CDH13: variants seen among roughly 807,000 people sequenced by gnomAD.
CDH13 encodes cadherin 13.
CDH13 carries 24 observed loss-of-function variants against 63.8 expected under a neutral mutation model. The observed-to-expected ratio is 0.38, with a 90% CI of 0.27 to 0.53. The LOEUF (loss-of-function observed/expected upper bound fraction) is 0.53. Ranked by LOEUF, CDH13 falls within the 20% of genes least tolerant of loss-of-function variation. The probability of loss-of-function intolerance (pLI) is 0.85; values close to 1 mark genes in which losing one functional copy is unlikely to be tolerated. For synonymous variants in CDH13, 503 were observed against 355.3 expected (o/e 1.42, Z -4.67); for missense variants, 1,049 against 903.1 (o/e 1.16, Z -2.07).
rs537571533 is a variant in CDH13 at position 83,604,627 on chromosome 16, A to G, written c.1101+2033A>G. 2.6e-5 allele frequency among the ~76,000 whole-genome samples: 4 copies of G among 152,218 alleles called. No homozygotes were observed. The East Asian group carries it at 7.7e-4, about 29-fold the overall frequency. ...GGGGCTTTTTTTTCTAGGCTACCTT[A>G]TATGGCTTATGGAGCTGGTGTTTCA... On this transcript the variant is annotated intron_variant, in intron 8 of 13. Transcript: ENST00000567109.
intron 1 of CDH13, among the ~76,000 whole-genome samples, chr16:82,710,968 A>G (rs540615020): frequency 7.9e-5 from 12 of 151,338 alleles, no homozygotes; most frequent in African/African-American, 2.9e-4. Context: ...AAAAAAAGCT[A>G]GTGCATAAAC....
intron 4 of CDH13, among the ~76,000 whole-genome samples, chr16:83,179,625 C>G (rs2038267930): frequency 6.6e-6 from 1 of 151,120 alleles, no homozygotes; most frequent in African/African-American, 2.4e-5. Context: ...GCACTCCAGC[C>G]TGGGCTACAG....
At chr16:82,634,349 A>G (rs1348436645) in intron 1 of CDH13, among the ~76,000 whole-genome samples, 3 of 152,208 alleles carry the variant, frequency 2.0e-5, no homozygotes, top group African/African-American at 7.2e-5. Context: ...GGCTGCAGAC[A>G]CCTGAAGCTT....
At chr16:82,930,912 C>G (rs1334277198) in intron 2 of CDH13, among the ~76,000 whole-genome samples, 1 of 152,214 alleles carries the variant, frequency 6.6e-6, no homozygotes, top group Non-Finnish European at 1.5e-5. Context: ...TTAAAACTTG[C>G]TTTTACCTGC....
rs1316836677 is a variant in CDH13 at position 83,797,404 on chromosome 16, G to A, written c.*2374G>A. Reference sequence around the variant, plus strand: ...GAAAATTCAGAAAAATAGGAGTAAAGTGCACACTTCATTAATAAATAGAAT... The same window carrying A: ...GAAAATTCAGAAAAATAGGAGTAAAATGCACACTTCATTAATAAATAGAAT... On this transcript the variant is annotated 3_prime_UTR_variant, in exon 14 of 14. Transcript: ENST00000567109. 6.6e-6 allele frequency: 1 copy of A among 152,176 alleles called. No individual in the cohort carries two copies. Among genetic ancestry groups the A allele is most frequent in the East Asian group, 1.9e-4 (1 of 5,192 alleles). The allele number at this position is 152,176 out of a possible 1,614,324, so 9.4% of individuals were successfully genotyped here.
chr16:82,898,163 C>A (rs117993804), intron 2 of CDH13, among the ~76,000 whole-genome samples: 2 of 152,140 alleles, frequency 1.3e-5, no homozygotes, highest in Non-Finnish European at 2.9e-5. Context: ...TAATGTTAAA[C>A]GAAACATATT....
intron 1 of CDH13, among the ~76,000 whole-genome samples, chr16:82,857,551 A>G (rs1248489504): frequency 6.6e-6 from 1 of 152,224 alleles, no homozygotes; most frequent in African/African-American, 2.4e-5. Flanking sequence ...ATTATGTTCC[A>G]AATCACGTAA....
At chr16:83,214,035 T>A (rs2039419340) in intron 4 of CDH13, among the ~76,000 whole-genome samples, 1 of 151,570 alleles carries the variant, frequency 6.6e-6, no homozygotes, top group Admixed American at 6.6e-5. Context: ...AGGACATGGG[T>A]GGGGACAAAT....
At chr16:83,325,156 T>G (rs2090331978) in intron 5 of CDH13, among the ~76,000 whole-genome samples, 2 of 152,344 alleles carry the variant, frequency 1.3e-5, no homozygotes, top group Admixed American at 6.5e-5. Flanking sequence ...GATTCTTCTT[T>G]AATCCCACTA....
intron 3 of CDH13, among the ~76,000 whole-genome samples, chr16:83,038,429 G>T (rs1917054224): frequency 6.6e-6 from 1 of 152,188 alleles, no homozygotes; most frequent in Non-Finnish European, 1.5e-5. Context: ...AGGCAGAAGA[G>T]CAGTTTAATT....
chr16:82,775,534 G>A (rs2035454432), intron 1 of CDH13, among the ~76,000 whole-genome samples: 1 of 152,122 alleles, frequency 6.6e-6, no homozygotes, highest in Admixed American at 6.6e-5. Flanking sequence ...AAACCTGTTG[G>A]CTCATTTATG....
chr16:82,640,740 T>A (rs535526455), intron 1 of CDH13, among the ~76,000 whole-genome samples: 1 of 152,166 alleles, frequency 6.6e-6, no homozygotes, highest in Non-Finnish European at 1.5e-5. Context: ...GGTACTTCTT[T>A]AGGGTCACAT....
rs553309630 is a variant in CDH13 at position 82,927,800 on chromosome 16, C to T, written c.157+69327C>T. On this transcript the variant is annotated intron_variant, in intron 2 of 13. Transcript: ENST00000567109. ...CCAGGCACCCTGCCTAACACACAGC[C>T]GATCATCAACAATGTACTTATTGAG... is the stretch of plus-strand genomic sequence containing the variant. 5.3e-5 allele frequency among the ~76,000 whole-genome samples: 8 copies of T among 152,274 alleles called. No homozygotes were observed. In the East Asian group the frequency reaches 1.4e-3, roughly 26 times the overall value.
intron 5 of CDH13, among the ~76,000 whole-genome samples, chr16:83,219,138 G>A (rs550470735): frequency 6.6e-6 from 1 of 152,190 alleles, no homozygotes; most frequent in South Asian, 2.1e-4. Flanking sequence ...ACTGAGCTGT[G>A]GGACCTTGAG....
At chr16:83,062,546 G>A (rs1000750358) in intron 3 of CDH13, among the ~76,000 whole-genome samples, 2 of 152,146 alleles carry the variant, frequency 1.3e-5, no homozygotes. Flanking sequence ...GACAGAGGAT[G>A]GAAGTTCAGT....
chr16:83,793,083 C>T (rs988922133), intron 13 of CDH13, among the ~76,000 whole-genome samples: 2 of 152,152 alleles, frequency 1.3e-5, no homozygotes, highest in Non-Finnish European at 2.9e-5. Flanking sequence ...CACATGTATA[C>T]TGATTAATTT....
intron 1 of CDH13, among the ~76,000 whole-genome samples, chr16:82,661,238 T>A (rs1448464767): frequency 6.6e-6 from 1 of 152,220 alleles, no homozygotes; most frequent in East Asian, 1.9e-4. Flanking sequence ...AATGAGATAG[T>A]CCTGAGGACA....
At chr16:82,867,460 C>G (rs1043967242) in intron 2 of CDH13, among the ~76,000 whole-genome samples, 45 of 152,208 alleles carry the variant, frequency 3.0e-4, no homozygotes, top group African/African-American at 8.7e-4. Context: ...CTGGATGGAC[C>G]CAGGGCCAGA....
intron 5 of CDH13, among the ~76,000 whole-genome samples, chr16:83,303,175 C>G (rs950618302): frequency 2.0e-5 from 3 of 152,134 alleles, no homozygotes; most frequent in African/African-American, 7.2e-5. Context: ...GTGTTGGGGC[C>G]AAGGGAAAGC....
Sources: gnomAD v4.1 joint callset for allele counts (sites outside exome capture counted in the v4.1 genomes callset) on GRCh38, gnomAD v4.1.1 for gene constraint, MANE v1.5 for transcripts, NCBI Gene and HGNC (gene_info 2026-07-23, HGNC 2026-07-21) for gene names.